PTPA: variants seen among roughly 807,000 people sequenced by gnomAD.
PTPA encodes the protein protein phosphatase 2 phosphatase activator.
Under a neutral mutation model 43.6 loss-of-function variants are expected in PTPA, and 13 were observed. The ratio of observed to expected loss-of-function variants is 0.30; its 90% CI spans 0.19 to 0.47. The LOEUF is 0.47. PTPA is among the 20% of genes least tolerant of loss of function. PTPA has a pLI of 0.99. For missense variants in PTPA, 329 were observed against 411.9 expected (o/e 0.80, Z 1.74); for synonymous variants, 172 against 158.2 (o/e 1.09, Z -0.66).
chr9:129,145,281 A>C (rs1307615993), intron 9 of PTPA, among the ~76,000 whole-genome samples: 1 of 151,602 alleles, frequency 6.6e-6, no homozygotes, highest in Non-Finnish European at 1.5e-5. Flanking sequence ...CAGTGAGCCG[A>C]GATCATGCCA....
intron 6 of PTPA, among the ~76,000 whole-genome samples, chr9:129,135,212 A>T (rs1221316915): frequency 6.6e-6 from 1 of 152,116 alleles, no homozygotes; most frequent in African/African-American, 2.4e-5. Context: ...GGCCAACATG[A>T]TGAAACCCCG....
At chr9:129,145,385 A>G (rs377434594) in intron 9 of PTPA, among the ~76,000 whole-genome samples, 5 of 152,066 alleles carry the variant, frequency 3.3e-5, no homozygotes, top group East Asian at 3.9e-4. Context: ...CTCATTGACA[A>G]CTTACTAGCA....
rs1850381130 is a variant in PTPA at position 129,136,533 on chromosome 9, GA to G, written c.624del (p.Val209CysfsTer19). The part of the protein sequence containing the change: ...TYRMEPAGSQ[G>X]VWGLDDFQFL... ...AGGATGGAGCCAGCCGGCAGCCAGG[GA>G]GTGTGGGGTCTGGATGACTTCCAGT... On this transcript the variant is annotated frameshift_variant, in exon 7 of 10. Coordinates refer to ENST00000393370, the MANE Select transcript of PTPA (RefSeq NM_178000.3). LOFTEE classifies it high-confidence loss of function. The G allele has an allele frequency of 6.2e-7, 1 of 1,613,864 alleles. No homozygotes were observed. The highest frequency in any genetic ancestry group is 1.3e-5 in the African/African-American group (1 of 74,922).
Position 129,123,036 on chromosome 9 carries a change from CCTCT to C in PTPA, c.130-13_130-10del. ...CCACCCCTCTCCCCATCCCCATTCT[CCTCT>C]CTGTTTGGTAGGCATACGCTGACTA... On this transcript the variant is annotated splice_polypyrimidine_tract_variant and intron_variant, in intron 2 of 9. Transcript: ENST00000393370. 1 of 1,590,230 alleles carries C rather than the reference CCTCT, an allele frequency of 6.3e-7. No homozygotes were observed. Among genetic ancestry groups the C allele is most frequent in the Non-Finnish European group, 8.6e-7 (1 of 1,162,820 alleles).
At chr9:129,120,423 TCAAG>T in intron 1 of PTPA, 86 bp from the exon 2 acceptor site, 2 of 832,808 alleles carry the variant, frequency 2.4e-6, no homozygotes, top group Non-Finnish European at 3.5e-6. Context: ...AAACTCCGTC[TCAAG>T]AAAAAAAAAA....
chr9:129,122,750 C>T (rs1463037781), intron 2 of PTPA, among the ~76,000 whole-genome samples: 2 of 152,230 alleles, frequency 1.3e-5, no homozygotes, highest in Non-Finnish European at 2.9e-5. Context: ...TAAGATGGCG[C>T]CAGCAGTGTC....
chr9:129,133,477 G>A (rs566963228), intron 5 of PTPA, among the ~76,000 whole-genome samples: 68 of 152,340 alleles, frequency 4.5e-4, no homozygotes, highest in Non-Finnish European at 8.1e-4. Context: ...CCAGGCCCTG[G>A]AGGGGTCTTC....
Position 129,111,448 on chromosome 9 carries a change from T to G in PTPA, c.-153T>G. ...GGCGGCCGTCTTCGCTGTGGTGACT[T>G]TAACTCTCGGTTTTCGGTTATAGCC... On this transcript the variant is annotated 5_prime_UTR_variant, in exon 1 of 10. Transcript: ENST00000393370. 2 of 1,255,552 alleles carry G rather than the reference T, an allele frequency of 1.6e-6. No homozygotes were observed. The highest frequency in any genetic ancestry group is 1.5e-5 in the African/African-American group (1 of 64,582). The allele number at this position is 1,255,552 out of a possible 1,614,324, so 77.8% of individuals were successfully genotyped here.
At chr9:129,124,297 G>A (rs1849438436) in intron 3 of PTPA, among the ~76,000 whole-genome samples, 1 of 152,100 alleles carries the variant, frequency 6.6e-6, no homozygotes, top group Non-Finnish European at 1.5e-5. Flanking sequence ...TCCTGCCTTG[G>A]TCTCTCGAAG....
chr9:129,115,130 A>G (rs538190266), intron 1 of PTPA, among the ~76,000 whole-genome samples: 1 of 152,322 alleles, frequency 6.6e-6, no homozygotes, highest in Non-Finnish European at 1.5e-5. Context: ...TCACACATAT[A>G]AAAGGGCTGT....
At chr9:129,139,857 G>C (rs974661181) in intron 8 of PTPA, among the ~76,000 whole-genome samples, 15 of 151,992 alleles carry the variant, frequency 9.9e-5, no homozygotes, top group Admixed American at 9.8e-4. Flanking sequence ...CCTGATACCC[G>C]TGGGCATCCT....
At chr9:129,110,965 G>A (rs1848421587), upstream of PTPA, 1 of 1,368,502 alleles carries the variant, frequency 7.3e-7, no homozygotes, top group African/African-American at 1.5e-5. The surrounding 1 kb of genome is among the most constrained non-coding windows in gnomAD (Gnocchi z 5.3). Flanking sequence ...GACCTGTGGA[G>A]GAGGAAGGAG....
chr9:129,141,196 C>G (rs1179089970), intron 8 of PTPA, among the ~76,000 whole-genome samples: 1 of 152,112 alleles, frequency 6.6e-6, no homozygotes, highest in Non-Finnish European at 1.5e-5. Flanking sequence ...GTTGCCCTTA[C>G]TAGAGAAGTA....
At chr9:129,130,409 TC>T (rs1169791288) in intron 4 of PTPA, among the ~76,000 whole-genome samples, 2 of 137,146 alleles carry the variant, frequency 1.5e-5, no homozygotes, top group African/African-American at 5.3e-5. Context: ...TGGTACATGA[TC>T]TTTTTTTTTT....
chr9:129,126,460 G>A (rs1041514834), intron 3 of PTPA, among the ~76,000 whole-genome samples: 11 of 152,078 alleles, frequency 7.2e-5, no homozygotes, highest in Non-Finnish European at 1.2e-4. Flanking sequence ...GATTACAGAC[G>A]TGAGCCACTG....
intron 3 of PTPA, chr9:129,128,115 CAG>C (rs1164825407): frequency 6.5e-6 from 8 of 1,227,300 alleles, no homozygotes; most frequent in African/African-American, 3.1e-5. Flanking sequence ...CTGAGAGGCT[CAG>C]AGTTAGTCAC....
At chr9:129,128,087 A>AT in intron 3 of PTPA, 1 of 1,307,326 alleles carries the variant, frequency 7.6e-7, no homozygotes, top group South Asian at 1.2e-5. Context: ...CATCAGCCCC[A>AT]TTTTTTAGAC....
At chr9:129,142,612 A>G in intron 9 of PTPA, 60 bp downstream of exon 9, 1 of 1,602,922 alleles carries the variant, frequency 6.2e-7, no homozygotes, top group Non-Finnish European at 8.5e-7. Context: ...TGGGCTGGGG[A>G]CAAAGCAAAA....
At chr9:129,142,987 A>G in intron 9 of PTPA, 2 of 1,299,362 alleles carry the variant, frequency 1.5e-6, no homozygotes, top group Non-Finnish European at 2.0e-6. Flanking sequence ...AGTGTGTATG[A>G]TCACTGAGTG....
Sources: gnomAD v4.1 joint callset for allele counts (sites outside exome capture counted in the v4.1 genomes callset) on GRCh38, gnomAD v4.1.1 for gene constraint, Gnocchi (gnomAD v3.1) non-coding constraint, MANE v1.5 for transcripts, NCBI Gene and HGNC (gene_info 2026-07-23, HGNC 2026-07-21) for gene names.